Variants in GPC6 observed in about 807,000 individuals in gnomAD.
The protein encoded by GPC6 is glypican-6.
GPC6 carries 14 observed loss-of-function variants against 55.2 expected under a neutral mutation model. The observed-to-expected ratio is 0.25, with a 90% confidence interval of 0.17 to 0.40. GPC6 has a LOEUF of 0.40. Among genes scored for constraint, GPC6 ranks in the 10% least tolerant of loss-of-function variants. The pLI is 1.00. For missense variants in GPC6, 641 were observed against 708.5 expected, an observed-to-expected ratio of 0.90 and a Z score of 1.08; for synonymous variants, 278 against 259.6, an observed-to-expected ratio of 1.07 and a Z score of -0.68.
At chr13:93,308,080 C>T (rs530023915) in intron 1 of GPC6, among the ~76,000 whole-genome samples, 4 of 151,992 alleles carry the variant, frequency 2.6e-5, no homozygotes, top group African/African-American at 9.7e-5. Flanking sequence ...GTCAGGAGAT[C>T]GAGACCATCC....
At chr13:93,253,841 A>G (rs777306057) in intron 1 of GPC6, among the ~76,000 whole-genome samples, 28 of 152,194 alleles carry the variant, frequency 1.8e-4, no homozygotes, top group Non-Finnish European at 3.8e-4. Context: ...TATAACTACC[A>G]AGGGAGAGAT....
intron 4 of GPC6, among the ~76,000 whole-genome samples, chr13:94,281,256 G>A (rs1022719395): frequency 5.9e-5 from 9 of 152,072 alleles, no homozygotes; most frequent in African/African-American, 2.2e-4. Context: ...AGGTATACAT[G>A]TGCCATGGTG....
intron 6 of GPC6, among the ~76,000 whole-genome samples, chr13:94,320,737 T>C (rs1309254449): frequency 6.6e-6 from 1 of 152,192 alleles, no homozygotes; most frequent in African/African-American, 2.4e-5. Context: ...CTTTTCTGGG[T>C]CCCCATTTTC....
chr13:93,971,571 T>C (rs1880284564), intron 3 of GPC6, among the ~76,000 whole-genome samples: 1 of 152,200 alleles, frequency 6.6e-6, no homozygotes, highest in Admixed American at 6.5e-5. Flanking sequence ...CTCTCCCACA[T>C]TGGTGATAAA....
intron 2 of GPC6, among the ~76,000 whole-genome samples, chr13:93,655,059 C>A (rs1458503772): frequency 5.8e-5 from 2 of 34,330 alleles, no homozygotes; most frequent in Admixed American, 4.4e-4. Flanking sequence ...ACTGTGTTAG[C>A]CAGGATGTCT....
intron 3 of GPC6, among the ~76,000 whole-genome samples, chr13:93,953,808 C>G (rs1326894595): frequency 6.6e-6 from 1 of 152,158 alleles, no homozygotes; most frequent in East Asian, 1.9e-4. Flanking sequence ...TAGGTTGAGT[C>G]ATATTCTGTA....
At chr13:93,538,911 T>C (rs1224895635) in intron 1 of GPC6, among the ~76,000 whole-genome samples, 1 of 150,708 alleles carries the variant, frequency 6.6e-6, no homozygotes, top group East Asian at 2.0e-4. Flanking sequence ...GAGAACATGA[T>C]CATTTATTAC....
At chr13:93,542,337 T>G (rs1171492088) in intron 1 of GPC6, among the ~76,000 whole-genome samples, 1 of 152,204 alleles carries the variant, frequency 6.6e-6, no homozygotes, top group Non-Finnish European at 1.5e-5. Context: ...TAGTTGTAGA[T>G]ATGCGGCATT....
intron 1 of GPC6, among the ~76,000 whole-genome samples, chr13:93,406,027 C>T (rs1485109224): frequency 1.5e-5 from 2 of 133,158 alleles, no homozygotes; most frequent in African/African-American, 4.9e-5. Context: ...AGACATAAGC[C>T]ACAAGTCTTC....
chr13:93,628,956 T>C (rs930980680), intron 2 of GPC6, among the ~76,000 whole-genome samples: 1 of 151,920 alleles, frequency 6.6e-6, no homozygotes, highest in Non-Finnish European at 1.5e-5. Context: ...TTAGACCCAA[T>C]TTTGAAATGT....
At chr13:94,184,584 A>G (rs144415578) in intron 4 of GPC6, among the ~76,000 whole-genome samples, 2,089 of 152,280 alleles carry the variant, frequency 0.014, 24 homozygotes, top group African/African-American at 0.024. Flanking sequence ...CAAAACCACA[A>G]TGAGATAGCA....
At chr13:93,306,676 C>G (rs1878868113) in intron 1 of GPC6, among the ~76,000 whole-genome samples, 1 of 151,840 alleles carries the variant, frequency 6.6e-6, no homozygotes, top group African/African-American at 2.4e-5. Context: ...TATTTCAAAA[C>G]AACTTAATTC....
At chr13:93,912,470 G>A (rs1040327535) in intron 3 of GPC6, among the ~76,000 whole-genome samples, 1 of 152,134 alleles carries the variant, frequency 6.6e-6, no homozygotes, top group Non-Finnish European at 1.5e-5. Context: ...TCGGCCGGGT[G>A]CAGTGGCTCA....
At chr13:94,318,898 C>T (rs909557690) in intron 6 of GPC6, among the ~76,000 whole-genome samples, 2 of 152,114 alleles carry the variant, frequency 1.3e-5, no homozygotes, top group Admixed American at 6.6e-5. Context: ...AATGTAGTTA[C>T]ACCAAATTTT....
At chr13:93,613,502 ACAAG>A (rs1400608041) in intron 2 of GPC6, among the ~76,000 whole-genome samples, 1 of 147,774 alleles carries the variant, frequency 6.8e-6, no homozygotes, top group East Asian at 2.0e-4. Context: ...TCTGTGACAG[ACAAG>A]CAAACACACA....
At chr13:93,860,694 A>C (rs1327088920) in intron 3 of GPC6, among the ~76,000 whole-genome samples, 1 of 151,650 alleles carries the variant, frequency 6.6e-6, no homozygotes, top group Non-Finnish European at 1.5e-5. Flanking sequence ...TGGGATAGGC[A>C]TTCCACATTA....
At chr13:93,776,571 A>C (rs1885476287) in intron 2 of GPC6, among the ~76,000 whole-genome samples, 1 of 152,074 alleles carries the variant, frequency 6.6e-6, no homozygotes, top group Non-Finnish European at 1.5e-5. Flanking sequence ...GTTTCTCTTA[A>C]CTATCTTTTC....
At chr13:93,981,342 T>C (rs533506152) in intron 3 of GPC6, among the ~76,000 whole-genome samples, 1 of 152,342 alleles carries the variant, frequency 6.6e-6, no homozygotes, top group East Asian at 1.9e-4. Context: ...AAATACCTCA[T>C]ATTTTTAAAT....
intron 3 of GPC6, among the ~76,000 whole-genome samples, chr13:93,866,113 G>T (rs1888957315): frequency 6.6e-6 from 1 of 151,722 alleles, no homozygotes; most frequent in South Asian, 2.1e-4. Flanking sequence ...TGAAAAGCAG[G>T]TAAGTGGTGG....
Sources: gnomAD v4.1 joint callset for allele counts (sites outside exome capture counted in the v4.1 genomes callset) on GRCh38, gnomAD v4.1.1 for gene constraint, MANE v1.5 for transcripts, NCBI Gene and HGNC (gene_info 2026-07-23, HGNC 2026-07-21) for gene names.